EPHA6: variants seen among roughly 807,000 people sequenced by gnomAD.
EPHA6 encodes the protein EPH receptor A6.
In EPHA6, 50 loss-of-function variants were observed where a neutral mutation model predicts 112.0. The observed-to-expected ratio is 0.45, with a 90% CI of 0.36 to 0.56. EPHA6 has a LOEUF of 0.56. Ranked by LOEUF, EPHA6 falls within the 20% of genes least tolerant of loss-of-function variation. EPHA6 has a pLI of 0.00. For missense variants in EPHA6, 1,280 were observed against 1,417.4 expected, an observed-to-expected ratio of 0.90 and a Z score of 1.56; for synonymous variants, 529 against 490.7, an observed-to-expected ratio of 1.08 and a Z score of -1.03.
chr3:97,649,265 C>T (rs1020597165), intron 14 of EPHA6, among the ~76,000 whole-genome samples: 1 of 151,880 alleles, frequency 6.6e-6, no homozygotes, highest in African/African-American at 2.4e-5. Context: ...AGGGGAACTC[C>T]CATTTATAAA....
intron 14 of EPHA6, among the ~76,000 whole-genome samples, chr3:97,657,937 C>G (rs2094146572): frequency 6.6e-6 from 1 of 151,712 alleles, no homozygotes; most frequent in African/African-American, 2.4e-5. Flanking sequence ...CAATTATTTC[C>G]TCCTCCAGCC....
intron 4 of EPHA6, among the ~76,000 whole-genome samples, chr3:97,242,924 G>A (rs748675925): frequency 6.6e-6 from 1 of 151,586 alleles, no homozygotes; most frequent in Non-Finnish European, 1.5e-5. Flanking sequence ...CACAGCATAC[G>A]GATTCTGTGG....
intron 2 of EPHA6, among the ~76,000 whole-genome samples, chr3:96,899,852 T>C (rs967012605): frequency 5.9e-5 from 9 of 152,178 alleles, no homozygotes; most frequent in African/African-American, 2.2e-4. Flanking sequence ...CACTTTTTTT[T>C]TCCAATTTCA....
chr3:97,161,364 C>T (rs1183536101), intron 3 of EPHA6, among the ~76,000 whole-genome samples: 7 of 152,104 alleles, frequency 4.6e-5, no homozygotes, highest in Admixed American at 4.6e-4. Flanking sequence ...AGGAACTTGC[C>T]AAAGGCTCTA....
chr3:97,443,268 T>C (rs985018458), intron 6 of EPHA6, among the ~76,000 whole-genome samples: 6 of 151,818 alleles, frequency 4.0e-5, no homozygotes, highest in Non-Finnish European at 1.5e-5. Context: ...TAATATCCTT[T>C]TTTATATTAT....
intron 3 of EPHA6, among the ~76,000 whole-genome samples, chr3:97,114,774 A>G (rs1054474670): frequency 1.3e-5 from 2 of 152,034 alleles, no homozygotes; most frequent in African/African-American, 4.8e-5. Flanking sequence ...CATAGGAGGG[A>G]CAAAGATGAA....
chr3:97,095,521 C>G (rs1012346799), intron 3 of EPHA6, among the ~76,000 whole-genome samples: 3 of 151,908 alleles, frequency 2.0e-5, no homozygotes, highest in Non-Finnish European at 4.4e-5. Flanking sequence ...AATTATGTGG[C>G]ACAGGCTGAT....
intron 5 of EPHA6, among the ~76,000 whole-genome samples, chr3:97,316,474 G>T (rs2081843006): frequency 6.6e-6 from 1 of 151,812 alleles, no homozygotes; most frequent in South Asian, 2.1e-4. Context: ...TCTTTCCAGG[G>T]ATTGCTGCGT....
chr3:96,970,137 C>A (rs1417922203), intron 2 of EPHA6, among the ~76,000 whole-genome samples: 1 of 151,752 alleles, frequency 6.6e-6, no homozygotes, highest in South Asian at 2.1e-4. Flanking sequence ...TTAAAGGATA[C>A]TTCCTAAGCA....
chr3:97,396,681 A>C (rs1309888542), intron 5 of EPHA6, among the ~76,000 whole-genome samples: 1 of 151,728 alleles, frequency 6.6e-6, no homozygotes, highest in Admixed American at 6.6e-5. Flanking sequence ...TCTCTTCATT[A>C]AACAATTGCT....
chr3:97,387,174 C>T (rs1226142804), intron 5 of EPHA6, among the ~76,000 whole-genome samples: 2 of 152,232 alleles, frequency 1.3e-5, no homozygotes, highest in Non-Finnish European at 2.9e-5. Context: ...TGACTATTAA[C>T]ATTTGGCTTC....
At chr3:97,713,294 G>A (rs1057509301) in intron 14 of EPHA6, among the ~76,000 whole-genome samples, 6 of 151,978 alleles carry the variant, frequency 3.9e-5, no homozygotes, top group Non-Finnish European at 5.9e-5. Context: ...TCAACCCAAG[G>A]ACCAATAGTT....
Position 96,987,950 on chromosome 3 carries a change from C to T in EPHA6, c.1071C>T (p.Cys357=). The T allele has an allele frequency of 1.2e-6, 2 of 1,613,076 alleles. No homozygotes were observed. The highest frequency in any genetic ancestry group is 1.1e-5 in the South Asian group (1 of 90,974). ...DGDWLVPLGR[C]ICSTGYEEIE... ...ATTGGCTGGTTCCTCTTGGAAGGTG[C>T]ATCTGCAGTACAGGATATGAAGAAA... The change falls in exon 3 of 18, where the codon TGC becomes TGT. Residue 357 remains cysteine (C), a synonymous_variant. Transcript: ENST00000389672.
In EPHA6 at chr3:97,027,220, T is replaced by A. The variant is rs553597625; in HGVS notation, c.1114+39227T>A. On this transcript the variant is annotated intron_variant, in intron 3 of 17. Coordinates refer to ENST00000389672, the MANE Select transcript of EPHA6 (RefSeq NM_001080448.3). ...ACTAAATACCGCATGTTCTCACTTA[T>A]AAGTGGGAGCTAAATTATGAGAACA... Among the ~76,000 whole-genome samples the A allele has an allele frequency of 2.0e-3, 311 of 152,238 alleles. 1 individual carries two copies. The highest frequency in any genetic ancestry group is 3.4e-3 in the Non-Finnish European group (228 of 68,002).
chr3:97,001,076 G>C lies in EPHA6; in HGVS notation c.1114+13083G>C, dbSNP rs899745154. The stretch of plus-strand genomic sequence containing the variant: ...TGTGTGTGTGTGTTTCATAAAACCA[G>C]ATATAAACCGAACTAAGTATGCCAA... On this transcript the variant is annotated intron_variant, in intron 3 of 17. Coordinates refer to ENST00000389672, the MANE Select transcript of EPHA6 (RefSeq NM_001080448.3). Among the ~76,000 whole-genome samples, 4 of 138,946 alleles carry C rather than the reference G, an allele frequency of 2.9e-5. No individual in the cohort carries two copies. In the East Asian group the frequency reaches 5.9e-4, roughly 20 times the overall value. 91.2% of individuals were successfully genotyped at this position (138,946 alleles called of 152,430 possible).
At chr3:97,649,170 G>A (rs2094089593) in intron 14 of EPHA6, among the ~76,000 whole-genome samples, 1 of 152,102 alleles carries the variant, frequency 6.6e-6, no homozygotes, top group South Asian at 2.1e-4. Context: ...GTTCCGTATG[G>A]CTGGGGAGGC....
At chr3:97,236,915 C>T (rs937953055) in intron 4 of EPHA6, among the ~76,000 whole-genome samples, 2 of 152,040 alleles carry the variant, frequency 1.3e-5, no homozygotes, top group African/African-American at 4.8e-5. Context: ...CCTAGGTATG[C>T]TCAGGATGCT....
At chr3:97,439,990 T>A (rs965139812) in intron 6 of EPHA6, among the ~76,000 whole-genome samples, 1 of 152,294 alleles carries the variant, frequency 6.6e-6, no homozygotes, top group African/African-American at 2.4e-5. Flanking sequence ...CAATTGACAT[T>A]ACTAAATACT....
intron 3 of EPHA6, among the ~76,000 whole-genome samples, chr3:97,082,660 T>C (rs1474830884): frequency 6.6e-6 from 1 of 151,946 alleles, no homozygotes; most frequent in African/African-American, 2.4e-5. Flanking sequence ...TTTATGCTAT[T>C]AATTTTATTT....
Sources: allele counts gnomAD v4.1 joint callset (sites outside exome capture counted in the v4.1 genomes callset), GRCh38; gene constraint gnomAD v4.1.1; transcripts MANE v1.5; gene names NCBI Gene and HGNC (gene_info 2026-07-23, HGNC 2026-07-21).